The following SLC35F4 variants were observed in gnomAD, a reference collection of about 807,000 sequenced individuals.
The protein encoded by SLC35F4 is chromosome 14 open reading frame 36.
SLC35F4 carries 24 observed loss-of-function variants against 44.2 expected under a neutral mutation model. That is an observed-to-expected ratio of 0.54 (90% confidence interval 0.39 to 0.76). The LOEUF (loss-of-function observed/expected upper bound fraction) is 0.76, where lower values mean the gene tolerates loss of function less well. Among genes scored for constraint, SLC35F4 ranks in the 30% least tolerant of loss-of-function variants. SLC35F4 has a pLI of 0.00. For synonymous variants in SLC35F4, 238 were observed against 223.6 expected, an observed-to-expected ratio of 1.06 and a Z score of -0.57; for missense variants, 562 against 586.1, an observed-to-expected ratio of 0.96 and a Z score of 0.42.
chr14:57,669,222 G>A (rs1486721979), intron 1 of SLC35F4, among the ~76,000 whole-genome samples: 1 of 151,922 alleles, frequency 6.6e-6, no homozygotes, highest in Non-Finnish European at 1.5e-5. Flanking sequence ...AGCTTAAGGA[G>A]ATTTTGGGCT....
intron 4 of SLC35F4, among the ~76,000 whole-genome samples, chr14:57,572,799 A>T (rs944664469): frequency 2.0e-5 from 3 of 152,152 alleles, no homozygotes; most frequent in Admixed American, 2.0e-4. Context: ...ACAGGAGTCT[A>T]CTCCCTTAGT....
chr14:57,854,061 T>C (rs1449926554), intron 1 of SLC35F4, among the ~76,000 whole-genome samples: 5 of 152,094 alleles, frequency 3.3e-5, no homozygotes, highest in Non-Finnish European at 7.4e-5. Flanking sequence ...TTCCAGCCTC[T>C]CAAAGCAGAT....
At chr14:57,936,577 T>C (rs886510116) in intron 1 of SLC35F4, among the ~76,000 whole-genome samples, 1 of 152,228 alleles carries the variant, frequency 6.6e-6, no homozygotes, top group Non-Finnish European at 1.5e-5. Flanking sequence ...AGGAGAGACA[T>C]CTATGTGCTA....
intron 1 of SLC35F4, among the ~76,000 whole-genome samples, chr14:57,641,668 GATTTA>G (rs2073245595): frequency 2.0e-5 from 3 of 151,908 alleles, no homozygotes; most frequent in African/African-American, 7.2e-5. Flanking sequence ...ACTAAAACAT[GATTTA>G]ATTTAGAGTA....
intron 1 of SLC35F4, among the ~76,000 whole-genome samples, chr14:57,851,883 T>A (rs201061801): frequency 6.6e-6 from 1 of 152,242 alleles, no homozygotes; most frequent in Non-Finnish European, 1.5e-5. Context: ...GGGAACTCTC[T>A]GTATTATCAT....
chr14:57,647,221 G>A (rs184591220), intron 1 of SLC35F4, among the ~76,000 whole-genome samples: 35 of 150,894 alleles, frequency 2.3e-4, no homozygotes, highest in Middle Eastern at 6.8e-3. Context: ...TGACGGTGGG[G>A]TGTTAAAGTC....
chr14:57,787,171 T>C, intron 1 of SLC35F4, among the ~76,000 whole-genome samples: 1 of 152,042 alleles, frequency 6.6e-6, no homozygotes, highest in Non-Finnish European at 1.5e-5. Flanking sequence ...AATTCAGAGC[T>C]CAAGACAAAG....
At chr14:57,853,083 C>G (rs1886731080) in intron 1 of SLC35F4, among the ~76,000 whole-genome samples, 1 of 152,170 alleles carries the variant, frequency 6.6e-6, no homozygotes, top group Non-Finnish European at 1.5e-5. Flanking sequence ...TCGGAAAGAC[C>G]TGTTGTATTG....
Position 57,668,585 on chromosome 14 carries a change from G to A in SLC35F4, c.104-74461C>T, listed in dbSNP as rs560851743. Reference sequence around the variant, plus strand: ...TTTCCCAGCACCATTTGTTAAATAGGGAATCCTTTCCCCATTTCTTGTTTT... The same window carrying A: ...TTTCCCAGCACCATTTGTTAAATAGAGAATCCTTTCCCCATTTCTTGTTTT... On this transcript the variant is annotated intron_variant, in intron 1 of 7. Transcript: ENST00000556826. Among the ~76,000 whole-genome samples, 4 of 152,138 alleles carry A rather than the reference G, an allele frequency of 2.6e-5. No homozygotes were observed. In the East Asian group the frequency reaches 5.8e-4, roughly 22 times the overall value.
chr14:57,789,549 C>G (rs115991537), intron 1 of SLC35F4, among the ~76,000 whole-genome samples: 1 of 152,164 alleles, frequency 6.6e-6, no homozygotes, highest in Non-Finnish European at 1.5e-5. Context: ...GGATTCACAG[C>G]TGAATTTTAC....
At chr14:57,835,839 C>T (rs145550386) in intron 1 of SLC35F4, among the ~76,000 whole-genome samples, 129 of 152,350 alleles carry the variant, frequency 8.5e-4, no homozygotes, top group African/African-American at 2.9e-3. Flanking sequence ...GGCATCAAGC[C>T]ATGTCTAGTC....
chr14:57,966,894 C>A (rs1007842335), intron 1 of SLC35F4, among the ~76,000 whole-genome samples: 58 of 151,992 alleles, frequency 3.8e-4, no homozygotes, highest in African/African-American at 1.4e-3. Flanking sequence ...CCTGTAATTC[C>A]AGCTACTCAG....
Position 57,604,018 on chromosome 14 carries a change from C to T in SLC35F4, c.104-9894G>A, listed in dbSNP as rs1181544680. ...ATTTTCTGGATTTCCCACTAGCTTC[C>T]CTGTAAAAGCCCAATGGTAGGCACC... On this transcript the variant is annotated intron_variant, in intron 1 of 7. Transcript: ENST00000556826. 3.3e-5 allele frequency: 5 copies of T among 152,182 alleles called. No individual in the cohort carries two copies. In the East Asian group the frequency reaches 9.6e-4, roughly 29 times the overall value. 9.4% of individuals were successfully genotyped at this position (152,182 alleles called of 1,614,324 possible).
rs150832590 is a variant in SLC35F4, at chr14:57,663,589, C to A, written c.104-69465G>T. Among the ~76,000 whole-genome samples, 26 of 152,318 alleles carry A rather than the reference C, an allele frequency of 1.7e-4. No individual in the cohort carries two copies. The East Asian group carries it at 4.2e-3, about 25-fold the overall frequency. On this transcript the variant is annotated intron_variant, in intron 1 of 7. Coordinates refer to ENST00000556826, the MANE Select transcript of SLC35F4 (RefSeq NM_001306087.2). ...AGAGCCAGCATGAAGTTGCACACAT[C>A]TGATACCTCGACACAATTGCTCATA...
chr14:57,798,863 TAGAG>T (rs775643417), intron 1 of SLC35F4, among the ~76,000 whole-genome samples: 42 of 152,044 alleles, frequency 2.8e-4, no homozygotes, highest in Non-Finnish European at 4.6e-4. Context: ...AAAAACTAGA[TAGAG>T]AGAAGCAGAG....
At chr14:57,817,446 C>A (rs72713070) in intron 1 of SLC35F4, among the ~76,000 whole-genome samples, 1 of 152,048 alleles carries the variant, frequency 6.6e-6, no homozygotes, top group Non-Finnish European at 1.5e-5. Context: ...CTTCACGTGA[C>A]GAGGCTTTTC....
intron 1 of SLC35F4, among the ~76,000 whole-genome samples, chr14:57,641,791 C>T (rs200077104): frequency 1.3e-5 from 2 of 151,974 alleles, no homozygotes; most frequent in East Asian, 3.9e-4. Flanking sequence ...CAATAATTTA[C>T]CCTTGCACAG....
intron 1 of SLC35F4, among the ~76,000 whole-genome samples, chr14:57,956,366 G>C (rs145827915): frequency 5.3e-5 from 8 of 152,274 alleles, no homozygotes; most frequent in Non-Finnish European, 1.2e-4. Flanking sequence ...ATACCATTCA[G>C]GACATAGGCA....
chr14:57,630,566 T>C (rs2072719082), intron 1 of SLC35F4: 2 of 1,052,386 alleles, frequency 1.9e-6, no homozygotes, highest in Admixed American at 1.8e-5. Context: ...TGGCTCAAGA[T>C]ATGAAAAGGA....
Sources: allele counts gnomAD v4.1 joint callset (sites outside exome capture counted in the v4.1 genomes callset), GRCh38; gene constraint gnomAD v4.1.1; transcripts MANE v1.5; gene names NCBI Gene and HGNC (gene_info 2026-07-23, HGNC 2026-07-21).